The following KHDRBS2 variants were observed in gnomAD, a reference collection of about 807,000 sequenced individuals.
KHDRBS2 encodes KH RNA binding domain containing, signal transduction associated 2, also known as KH domain-containing, RNA-binding, signal transduction-associated protein 2.
In KHDRBS2, 26 loss-of-function variants were observed where a neutral mutation model predicts 44.3. That is an observed-to-expected ratio of 0.59 (90% CI 0.43 to 0.81). The LOEUF (loss-of-function observed/expected upper bound fraction) is 0.81. Among genes scored for constraint, KHDRBS2 ranks in the 40% least tolerant of loss-of-function variants. The probability of loss-of-function intolerance (pLI) is 0.00; values close to 1 mark genes in which losing one functional copy is unlikely to be tolerated. For missense variants in KHDRBS2, 476 were observed against 433.1 expected (o/e 1.10, Z -0.88); for synonymous variants, 194 against 151.1 (o/e 1.28, Z -2.08).
intron 2 of KHDRBS2, among the ~76,000 whole-genome samples, chr6:62,089,573 C>A (rs915848654): frequency 1.3e-5 from 2 of 152,058 alleles, no homozygotes; most frequent in Admixed American, 1.3e-4. Flanking sequence ...CCTAACCAGT[C>A]CCAATGAGAT....
At chr6:62,104,778 G>A (rs950863312) in intron 2 of KHDRBS2, among the ~76,000 whole-genome samples, 6 of 151,518 alleles carry the variant, frequency 4.0e-5, no homozygotes, top group Non-Finnish European at 5.9e-5. Context: ...TTAAAAATTC[G>A]TAGTTACAAT....
At chr6:61,760,240 G>T (rs1316598303) in intron 6 of KHDRBS2, among the ~76,000 whole-genome samples, 3 of 152,100 alleles carry the variant, frequency 2.0e-5, no homozygotes, top group Non-Finnish European at 2.9e-5. Flanking sequence ...TCATAGAGAA[G>T]GTCTGCAAAC....
chr6:62,155,705 A>T (rs983848046), intron 2 of KHDRBS2, among the ~76,000 whole-genome samples: 39 of 152,252 alleles, frequency 2.6e-4, no homozygotes, highest in African/African-American at 8.7e-4. Context: ...TTATATAATC[A>T]AAAACAATTC....
the KHDRBS2 span, among the ~76,000 whole-genome samples, chr6:61,567,291 C>T: frequency 1.3e-5 from 2 of 152,164 alleles, no homozygotes; most frequent in African/African-American, 4.8e-5. Context: ...GGCCAAGGGC[C>T]TATATTCAAG....
intron 1 of KHDRBS2, among the ~76,000 whole-genome samples, chr6:62,273,161 A>G (rs1840354602): frequency 6.6e-6 from 1 of 152,142 alleles, no homozygotes; most frequent in Non-Finnish European, 1.5e-5. Flanking sequence ...CCATTTATAA[A>G]TTAAATCACA....
chr6:61,930,698 A>G (rs1809882701), intron 4 of KHDRBS2, among the ~76,000 whole-genome samples: 2 of 149,586 alleles, frequency 1.3e-5, no homozygotes, highest in Non-Finnish European at 3.0e-5. Context: ...CCCCGTCTCA[A>G]AAAAAAAGAA....
At chr6:61,903,501 T>A (rs904989378) in intron 4 of KHDRBS2, among the ~76,000 whole-genome samples, 2 of 152,150 alleles carry the variant, frequency 1.3e-5, no homozygotes, top group African/African-American at 4.8e-5. Context: ...AATAATAAGA[T>A]GAAGAAGAAG....
the KHDRBS2 span, among the ~76,000 whole-genome samples, chr6:61,668,547 C>A: frequency 2.0e-5 from 3 of 151,022 alleles, no homozygotes; most frequent in African/African-American, 7.2e-5. Context: ...AAAGGGAATG[C>A]ATATTTTAAG....
intron 6 of KHDRBS2, among the ~76,000 whole-genome samples, chr6:61,774,524 C>A (rs1261224681): frequency 1.3e-5 from 2 of 152,088 alleles, no homozygotes; most frequent in Non-Finnish European, 2.9e-5. Context: ...AGAGCCAAAT[C>A]AGGAGTGAAC....
the KHDRBS2 span, chr6:61,652,362 G>T: frequency 6.6e-6 from 1 of 151,914 alleles, no homozygotes; most frequent in Non-Finnish European, 1.5e-5. Flanking sequence ...AAACACAGAT[G>T]TACGCTCATA....
At chr6:61,790,327 A>T (rs1481412220) in intron 6 of KHDRBS2, among the ~76,000 whole-genome samples, 4 of 151,244 alleles carry the variant, frequency 2.6e-5, no homozygotes, top group Admixed American at 2.6e-4. Context: ...GATTTGAAAG[A>T]TGCTTAAGTG....
chr6:62,078,586 G>C (rs1168456764), intron 2 of KHDRBS2, among the ~76,000 whole-genome samples: 1 of 151,820 alleles, frequency 6.6e-6, no homozygotes, highest in Non-Finnish European at 1.5e-5. Flanking sequence ...ATCTGTATTA[G>C]AGGAAGTGAG....
At chr6:62,184,809 A>C (rs940611335) in intron 1 of KHDRBS2, among the ~76,000 whole-genome samples, 1 of 151,822 alleles carries the variant, frequency 6.6e-6, no homozygotes, top group African/African-American at 2.4e-5. Flanking sequence ...TTCTGCAGGA[A>C]TACTTTATTT....
At chr6:62,120,709 T>A (rs1466883655) in intron 2 of KHDRBS2, among the ~76,000 whole-genome samples, 1 of 152,070 alleles carries the variant, frequency 6.6e-6, no homozygotes, top group Non-Finnish European at 1.5e-5. Flanking sequence ...CCAGGTTGAG[T>A]GGACAAATGA....
chr6:61,844,613 G>T (rs916263145), intron 6 of KHDRBS2, among the ~76,000 whole-genome samples: 1 of 152,050 alleles, frequency 6.6e-6, no homozygotes, highest in African/African-American at 2.4e-5. Context: ...CAAGAACTTT[G>T]TCTTATTCCC....
chr6:61,556,282 G>T, the KHDRBS2 span, among the ~76,000 whole-genome samples: 1 of 152,154 alleles, frequency 6.6e-6, no homozygotes, highest in African/African-American at 2.4e-5. Context: ...CATTCACACT[G>T]GTGGCAATGG....
intron 1 of KHDRBS2, among the ~76,000 whole-genome samples, chr6:62,255,225 C>T (rs1837170882): frequency 1.3e-5 from 2 of 152,026 alleles, no homozygotes; most frequent in Admixed American, 1.3e-4. Context: ...AAAAATGTAG[C>T]TACTTTTTTA....
chr6:61,586,234 T>C, the KHDRBS2 span, among the ~76,000 whole-genome samples: 1 of 152,196 alleles, frequency 6.6e-6, no homozygotes, highest in Admixed American at 6.5e-5. Context: ...AATGCTTTGA[T>C]TTAAGATACA....
intron 2 of KHDRBS2, among the ~76,000 whole-genome samples, chr6:62,167,534 T>G (rs1223809748): frequency 6.6e-6 from 1 of 152,124 alleles, no homozygotes; most frequent in African/African-American, 2.4e-5. Flanking sequence ...GAGAATATGG[T>G]CTACAGCAAT....
Sources: allele counts gnomAD v4.1 joint callset (sites outside exome capture counted in the v4.1 genomes callset), GRCh38; gene constraint gnomAD v4.1.1; transcripts MANE v1.5; gene names NCBI Gene and HGNC (gene_info 2026-07-23, HGNC 2026-07-21).